DHX37: variants seen among roughly 807,000 people sequenced by gnomAD.
DHX37 encodes DEAH-box helicase 37.
DHX37 carries 52 observed loss-of-function variants against 134.3 expected under a neutral mutation model. That is an observed-to-expected ratio of 0.39 (90% confidence interval 0.31 to 0.49). The LOEUF (loss-of-function observed/expected upper bound fraction) is 0.49, where lower values mean the gene tolerates loss of function less well. DHX37 is among the 20% of genes least tolerant of loss of function. The pLI is 0.93. For missense variants in DHX37, 1,344 were observed against 1,580.8 expected (o/e 0.85, Z 2.54); for synonymous variants, 634 against 670.7 (o/e 0.95, Z 0.85).
At position 124,947,609 on chromosome 12, in the gene DHX37, G is replaced by A. The variant is rs769495579; in HGVS notation, c.*193C>T. The A allele has an allele frequency of 9.5e-6, 6 of 634,468 alleles. No individual in the cohort carries two copies. Among genetic ancestry groups the A allele is most frequent in the Middle Eastern group, 4.3e-4 (1 of 2,304 alleles). The allele number at this position is 634,468 out of a possible 1,614,324, so 39.3% of individuals were successfully genotyped here. A position where few individuals can be genotyped will look rare whatever the true frequency, so the allele number is the denominator to read the frequency against. The stretch of plus-strand genomic sequence containing the variant: ...ATAAACAGTTCAAAAAGTCACCCCC[G>A]GGCCAGATGGCACGGGCGGCAGCAC... On this transcript the variant is annotated 3_prime_UTR_variant, in exon 27 of 27. Coordinates refer to ENST00000308736, the MANE Select transcript of DHX37 (RefSeq NM_032656.4).
intron 1 of DHX37, among the ~76,000 whole-genome samples, chr12:124,987,226 C>A (rs1954891603): frequency 6.6e-6 from 1 of 152,174 alleles, no homozygotes; most frequent in Non-Finnish European, 1.5e-5. Flanking sequence ...ACCTATAATC[C>A]CAGCTACACA....
rs763712352 is a variant in DHX37, at chr12:124,970,161, A to G, written c.1191+1141T>C. Among the ~76,000 whole-genome samples the G allele has an allele frequency of 3.3e-5, 5 of 152,156 alleles. No individual in the cohort carries two copies. The South Asian group carries it at 6.2e-4, about 19-fold the overall frequency. The stretch of plus-strand genomic sequence containing the variant: ...CTAATTTTTCGTTTTTTTAGTAGAG[A>G]CAGGGTTTCACCATGTTGGCCAGGC... On this transcript the variant is annotated intron_variant, in intron 8 of 26. Coordinates refer to ENST00000308736, the MANE Select transcript of DHX37 (RefSeq NM_032656.4).
chr12:124,967,583 T>C (rs11834112), intron 10 of DHX37, among the ~76,000 whole-genome samples: 15,029 of 152,190 alleles, frequency 0.099, 1,281 homozygotes, highest in African/African-American at 0.23. Context: ...CCTCACCTCC[T>C]GCCAGCCCCA....
intron 17 of DHX37, 27 bp from the exon 18 acceptor site, chr12:124,956,906 G>A (rs1347102342): frequency 1.3e-6 from 2 of 1,565,174 alleles, no homozygotes; most frequent in Admixed American, 1.8e-5. Flanking sequence ...TGGTGGCAGT[G>A]CTCTGAGAGG....
chr12:124,971,198 C>T (rs1028359649), intron 8 of DHX37, 104 bp downstream of exon 8: 2 of 1,496,410 alleles, frequency 1.3e-6, no homozygotes, highest in Non-Finnish European at 1.8e-6. Flanking sequence ...CTCATGGCAG[C>T]AGCCCAGGGT....
At chr12:124,968,705 G>T in intron 9 of DHX37, 57 bp from the exon 10 acceptor site, 2 of 1,612,166 alleles carry the variant, frequency 1.2e-6, no homozygotes, top group Non-Finnish European at 1.7e-6. Flanking sequence ...TCGGCCCAGG[G>T]CTGCCTTCCC....
chr12:124,957,155 G>A lies in DHX37; in HGVS notation c.2158-20C>T. On this transcript the variant is annotated intron_variant, in intron 16 of 26. Coordinates refer to ENST00000308736, the MANE Select transcript of DHX37 (RefSeq NM_032656.4). ...GATGACCTGGGACACAAGGAGACGT[G>A]GCAGGGACAGGGTGAATGCCAAGAA... is the stretch of plus-strand genomic sequence containing the variant. 1.3e-6 allele frequency: 2 copies of A among 1,486,010 alleles called. No individual in the cohort carries two copies. Among genetic ancestry groups the A allele is most frequent in the Non-Finnish European group, 1.8e-6 (2 of 1,120,236 alleles). 92.1% of individuals were successfully genotyped at this position (1,486,010 alleles called of 1,614,324 possible). A position where few individuals can be genotyped will look rare whatever the true frequency, so the allele number is the denominator to read the frequency against.
At chr12:124,972,307 C>G (rs7967470) in intron 7 of DHX37, among the ~76,000 whole-genome samples, 196 bp downstream of exon 7, 5,627 of 152,340 alleles carry the variant, frequency 0.037, 370 homozygotes, top group African/African-American at 0.13. Flanking sequence ...AAATGATTCT[C>G]TAAGGAATGC....
intron 1 of DHX37, among the ~76,000 whole-genome samples, chr12:124,988,479 C>T (rs1954916533): frequency 6.6e-6 from 1 of 152,128 alleles, no homozygotes; most frequent in Non-Finnish European, 1.5e-5. Context: ...TCCCTTTCTG[C>T]TATGTCTCCA....
Position 124,950,366 on chromosome 12 carries a change from C to G in DHX37, c.3121+47G>C, listed in dbSNP as rs748734002. The G allele has an allele frequency of 1.1e-5, 18 of 1,593,514 alleles. No homozygotes were observed. In the Admixed American group the frequency reaches 2.2e-4, roughly 20 times the overall value. ...GACAGGACCGTGTGTCCGAGAAGCC[C>G]ACGGCTGCAGGAGGCTCAGGTTGCC... On this transcript the variant is annotated intron_variant, in intron 23 of 26. Coordinates refer to ENST00000308736, the MANE Select transcript of DHX37 (RefSeq NM_032656.4).
Position 124,953,934 on chromosome 12 carries a change from G to A in DHX37, c.2641C>T (p.Arg881Trp), listed in dbSNP as rs776770438. 1.2e-5 allele frequency: 20 copies of A among 1,612,884 alleles called. No homozygotes were observed. The highest frequency in any genetic ancestry group is 3.3e-5 in the Admixed American group (2 of 59,958). Reference protein sequence around the residue: ...TPQFCEANGLRYKAMMEIRRL... With the variant: ...TPQFCEANGLWYKAMMEIRRL... ...CGGATCTCCATCATGGCTTTGTACC[G>A]CAGCCCGTTGGCTTCGCAAAACTGG... The change falls in exon 20 of 27, where the codon CGG becomes TGG. Residue 881 changes from arginine to tryptophan, a missense_variant. Transcript: ENST00000308736.
intron 6 of DHX37, among the ~76,000 whole-genome samples, chr12:124,973,502 G>C (rs191128137): frequency 5.8e-4 from 88 of 152,122 alleles, no homozygotes; most frequent in South Asian, 2.1e-3. Flanking sequence ...TAAACAGTGG[G>C]GGGGAGGGGG....
chr12:124,956,972 A>G, intron 17 of DHX37, 57 bp downstream of exon 17: 1 of 1,523,822 alleles, frequency 6.6e-7, no homozygotes. Context: ...GGCCCAGCAA[A>G]AGGGAGAGAG....
intron 1 of DHX37, among the ~76,000 whole-genome samples, chr12:124,986,577 G>A (rs1223863470): frequency 1.3e-5 from 2 of 151,866 alleles, no homozygotes; most frequent in Non-Finnish European, 1.5e-5. Flanking sequence ...CAGGTGTGGT[G>A]GTGGGTGCCT....
rs1202015691 is a variant in DHX37, at chr12:124,968,581, C to T, written c.1361G>A (p.Gly454Asp). 6 of 1,613,936 alleles carry T rather than the reference C, an allele frequency of 3.7e-6. No homozygotes were observed. The Admixed American group carries it at 1.0e-4, about 27-fold the overall frequency. Residue 454 changes from glycine (G) to aspartate (D), a missense_variant, in exon 10 of 27, where the codon GGC (glycine) becomes GAC (aspartate). Physicochemically the swap from Gly to Asp is moderately conservative, Grantham distance 94. Coordinates refer to ENST00000308736, the MANE Select transcript of DHX37 (RefSeq NM_032656.4). Reference protein sequence around the residue: ...NKRTPLEDYSGECFRKVCKIH... With the variant: ...NKRTPLEDYSDECFRKVCKIH... ...CTTGCAGACCTTCCGGAAGCACTCG[C>T]CACTGTAGTCTTCCAGCGGTGTCCG... is the stretch of plus-strand genomic sequence containing the variant.
chr12:124,956,580 C>T, intron 18 of DHX37, 111 bp downstream of exon 18: 2 of 1,353,492 alleles, frequency 1.5e-6, no homozygotes, highest in Non-Finnish European at 1.9e-6. Flanking sequence ...CCTCTACCTC[C>T]TGGGTTCAAA....
rs758572566 is a variant in DHX37 at position 124,956,835 on chromosome 12, G to A, written c.2309C>T (p.Ala770Val). Residue 770 changes from alanine to valine, a missense_variant, in exon 18 of 27, where the codon GCG (alanine) becomes GTG (valine). By Grantham distance (64) the Ala-to-Val change is moderately conservative. Around this residue, in one of 7 missense-constraint regions of DHX37, gnomAD observed 558 missense variants for 650.0 expected, o/e 0.86. Coordinates refer to ENST00000308736, the MANE Select transcript of DHX37 (RefSeq NM_032656.4). ...QENRLSCPIT[A>V]LGRTMATFPV... ...GAATGTGGCCATTGTCCGGCCCAGC[G>A]CAGTGATGGGGCAGCTCAGCCGGTT... is the stretch of plus-strand genomic sequence containing the variant. The A allele has an allele frequency of 1.3e-5, 21 of 1,607,534 alleles. No homozygotes were observed. The highest frequency in any genetic ancestry group is 4.0e-5 in the African/African-American group (3 of 74,718).
At chr12:124,975,728 A>T (rs2135960486) in intron 5 of DHX37, among the ~76,000 whole-genome samples, 1 of 152,308 alleles carries the variant, frequency 6.6e-6, no homozygotes. Context: ...AGCGGACACC[A>T]GGCAGCCGCT....
rs541545716 is a variant in DHX37, at chr12:124,964,870, AC to A, written c.1812+59del. The A allele has an allele frequency of 3.0e-4, 460 of 1,527,764 alleles. 1 individual carries two copies. The African/African-American group carries it at 5.6e-3, about 19-fold the overall frequency. 94.6% of individuals were successfully genotyped at this position (1,527,764 alleles called of 1,614,324 possible). A position where few individuals can be genotyped will look rare whatever the true frequency, so the allele number is the denominator to read the frequency against. ...GAGAGGACCACCAAGGGCTTGACCA[AC>A]CCCACTGTAATGCCCTTAAAAGTGC... On this transcript the variant is annotated intron_variant, in intron 14 of 26. Transcript: ENST00000308736.
Sources: allele counts gnomAD v4.1 joint callset (sites outside exome capture counted in the v4.1 genomes callset), GRCh38; gene constraint gnomAD v4.1.1; regional missense constraint gnomAD v4.1.1; transcripts MANE v1.5; gene names NCBI Gene and HGNC (gene_info 2026-07-23, HGNC 2026-07-21).